ANKRD28: variants seen among roughly 807,000 people sequenced by gnomAD.
The protein encoded by ANKRD28 is ankyrin repeat domain 28.
Under a neutral mutation model 126.5 loss-of-function variants are expected in ANKRD28, and 44 were observed. That is an observed-to-expected ratio of 0.35 (90% CI 0.27 to 0.45). The LOEUF is 0.45. ANKRD28 is among the 20% of genes least tolerant of loss of function. The pLI, the probability that ANKRD28 is intolerant of heterozygous loss-of-function variation, is 1.00. For missense variants in ANKRD28, 1,110 were observed against 1,316.6 expected (o/e 0.84, Z 2.43); for synonymous variants, 442 against 468.5 (o/e 0.94, Z 0.73).
intron 14 of ANKRD28, among the ~76,000 whole-genome samples, chr3:15,697,584 C>T (rs1238412767): frequency 3.3e-5 from 5 of 152,022 alleles, no homozygotes; most frequent in African/African-American, 1.2e-4. Context: ...ACCAGCCTTG[C>T]ATCCCAGGGA....
chr3:15,758,032 C>T (rs572240631), intron 3 of ANKRD28, among the ~76,000 whole-genome samples: 1 of 152,116 alleles, frequency 6.6e-6, no homozygotes, highest in Admixed American at 6.6e-5. Flanking sequence ...AAAACGTTAG[C>T]CAACCTCTGA....
intron 27 of ANKRD28, among the ~76,000 whole-genome samples, chr3:15,671,469 A>G (rs2066343651): frequency 6.6e-6 from 1 of 152,092 alleles, no homozygotes; most frequent in Admixed American, 6.6e-5. Flanking sequence ...AAGCCTCCAT[A>G]TATCCTCTAC....
At chr3:15,796,355 T>C (rs961117245) in intron 1 of ANKRD28, 50 bp downstream of exon 1, 4 of 1,056,780 alleles carry the variant, frequency 3.8e-6, no homozygotes, top group Non-Finnish European at 4.8e-6. Flanking sequence ...ACAAGATTTA[T>C]ACTACTAGTT....
At chr3:15,696,640 ATG>A (rs1683552702) in intron 14 of ANKRD28, among the ~76,000 whole-genome samples, 1 of 152,106 alleles carries the variant, frequency 6.6e-6, no homozygotes, top group African/African-American at 2.4e-5. Context: ...AGAACACAGA[ATG>A]AGTAAATTTT....
At chr3:15,684,867 T>C (rs1051311784) in intron 21 of ANKRD28, 2 of 206,648 alleles carry the variant, frequency 9.7e-6, no homozygotes, top group Admixed American at 1.1e-4. Context: ...CTCATGCCTG[T>C]AATCCCAACA....
intron 18 of ANKRD28, among the ~76,000 whole-genome samples, chr3:15,687,777 C>T (rs1209023551): frequency 6.6e-6 from 1 of 152,178 alleles, no homozygotes; most frequent in Non-Finnish European, 1.5e-5. Context: ...GGTCGTAACA[C>T]TTGGGGATGT....
At chr3:15,834,993 C>T (rs1252697051) in intron 1 of ANKRD28, among the ~76,000 whole-genome samples, 2 of 152,056 alleles carry the variant, frequency 1.3e-5, no homozygotes, top group African/African-American at 2.4e-5. Context: ...ACTAAAAATA[C>T]AAAAATTAGC....
intron 2 of ANKRD28, among the ~76,000 whole-genome samples, chr3:15,777,394 T>C (rs1048207761): frequency 5.3e-5 from 8 of 152,116 alleles, no homozygotes; most frequent in African/African-American, 1.9e-4. Context: ...GAATCAGGAA[T>C]AAAAGTAGAA....
At chr3:15,689,918 C>T in intron 18 of ANKRD28, 101 bp downstream of exon 18, 5 of 1,127,688 alleles carry the variant, frequency 4.4e-6, no homozygotes, top group Non-Finnish European at 4.8e-6. Flanking sequence ...AAAAAAAGGT[C>T]AAAATTTTAA....
intron 2 of ANKRD28, among the ~76,000 whole-genome samples, chr3:15,785,989 A>T (rs1466061535): frequency 6.6e-6 from 1 of 152,100 alleles, no homozygotes; most frequent in African/African-American, 2.4e-5. Flanking sequence ...TGGAAAAGGC[A>T]AAACTATGGA....
chr3:15,784,050 A>G (rs935675095), intron 2 of ANKRD28, among the ~76,000 whole-genome samples: 1 of 151,902 alleles, frequency 6.6e-6, no homozygotes, highest in African/African-American at 2.4e-5. Context: ...AAAAAAAAAT[A>G]CCACCAACCT....
chr3:15,769,926 C>T (rs913678200), intron 2 of ANKRD28, among the ~76,000 whole-genome samples: 1 of 151,684 alleles, frequency 6.6e-6, no homozygotes, highest in Non-Finnish European at 1.5e-5. Context: ...GCTACAGAAA[C>T]TCAAAATGGA....
chr3:15,756,597 C>T (rs562648707), intron 3 of ANKRD28: 3 of 721,682 alleles, frequency 4.2e-6, no homozygotes, highest in Admixed American at 6.3e-5. Flanking sequence ...TACGTGATCT[C>T]ATAATGGCTG....
chr3:15,818,758 T>C (rs1463862085), intron 1 of ANKRD28, among the ~76,000 whole-genome samples: 1 of 152,170 alleles, frequency 6.6e-6, no homozygotes. Flanking sequence ...CAGTGGATAA[T>C]GGGAAACTAC....
chr3:15,840,314 C>A (rs888932634), intron 1 of ANKRD28, among the ~76,000 whole-genome samples: 2 of 151,652 alleles, frequency 1.3e-5, no homozygotes, highest in African/African-American at 2.4e-5. Context: ...AAATAAAATA[C>A]CAGGAATTAA....
intron 2 of ANKRD28, among the ~76,000 whole-genome samples, chr3:15,770,676 T>A (rs931306981): frequency 6.6e-6 from 1 of 152,196 alleles, no homozygotes; most frequent in African/African-American, 2.4e-5. Context: ...TGGTAGGGAA[T>A]AAGCCATCCC....
At chr3:15,696,584 G>T (rs994448080) in intron 14 of ANKRD28, among the ~76,000 whole-genome samples, 1 of 151,834 alleles carries the variant, frequency 6.6e-6, no homozygotes, top group Admixed American at 6.6e-5. Flanking sequence ...TAAACTTTTC[G>T]TGGTGGTGAG....
rs1472230115 is a variant in ANKRD28 at position 15,676,958 on chromosome 3, T to C, written c.2873+16A>G. On this transcript the variant is annotated intron_variant, in intron 26 of 27. Transcript: ENST00000683139. ...TATAGGTCACAAAGTTTATACTAGATACTGACAGTACTCACGTTTGCAAGG... is the reference window on the plus strand; with the variant it reads ...TATAGGTCACAAAGTTTATACTAGACACTGACAGTACTCACGTTTGCAAGG... 6.2e-7 allele frequency: 1 copy of C among 1,600,212 alleles called. No homozygotes were observed. Among genetic ancestry groups the C allele is most frequent in the Non-Finnish European group, 8.6e-7 (1 of 1,167,944 alleles).
intron 27 of ANKRD28, among the ~76,000 whole-genome samples, chr3:15,674,958 T>C (rs372009578): frequency 6.6e-6 from 1 of 152,068 alleles, no homozygotes; most frequent in East Asian, 1.9e-4. Flanking sequence ...GGCCTGACTA[T>C]ACGGAAATTA....
Sources: allele counts gnomAD v4.1 joint callset (sites outside exome capture counted in the v4.1 genomes callset), GRCh38; gene constraint gnomAD v4.1.1; transcripts MANE v1.5; gene names NCBI Gene and HGNC (gene_info 2026-07-23, HGNC 2026-07-21).